Variants in DNAJC3 observed in about 807,000 individuals in gnomAD.
DNAJC3 encodes the protein dnaJ homolog subfamily C member 3.
DNAJC3 carries 38 observed loss-of-function variants against 68.6 expected under a neutral mutation model. The ratio of observed to expected loss-of-function variants is 0.55; its 90% CI spans 0.43 to 0.73. The LOEUF (loss-of-function observed/expected upper bound fraction) is 0.73, where lower values mean the gene tolerates loss of function less well. Among genes scored for constraint, DNAJC3 ranks in the 30% least tolerant of loss-of-function variants. DNAJC3 has a pLI of 0.00. For missense variants in DNAJC3, 526 were observed against 591.9 expected (o/e 0.89, Z 1.16); for synonymous variants, 203 against 204.0 (o/e 1.00, Z 0.04).
intron 1 of DNAJC3, among the ~76,000 whole-genome samples, chr13:95,683,180 A>T (rs1366759093): frequency 6.6e-6 from 1 of 152,232 alleles, no homozygotes; most frequent in Non-Finnish European, 1.5e-5. Context: ...GGTTTCACAA[A>T]GGAGCCAGCA....
At chr13:95,759,865 GT>G (rs1353912136) in intron 5 of DNAJC3, among the ~76,000 whole-genome samples, 174 bp from the exon 6 acceptor site, 4 of 152,168 alleles carry the variant, frequency 2.6e-5, no homozygotes, top group Non-Finnish European at 4.4e-5. Context: ...TGTCACATCA[GT>G]TTTGTCACAT....
chr13:95,683,509 G>A (rs543232470), intron 1 of DNAJC3, among the ~76,000 whole-genome samples: 1 of 152,358 alleles, frequency 6.6e-6, no homozygotes, highest in East Asian at 1.9e-4. Context: ...CTCTGGCCAT[G>A]TGAAGATGTG....
intron 2 of DNAJC3, among the ~76,000 whole-genome samples, chr13:95,712,010 C>A (rs960749533): frequency 6.6e-6 from 1 of 152,154 alleles, no homozygotes; most frequent in African/African-American, 2.4e-5. Flanking sequence ...TATGTTTGTA[C>A]ACACAAACAC....
rs531955490 is a variant in DNAJC3 at position 95,718,476 on chromosome 13, G to A, written c.194-4766G>A. Among the ~76,000 whole-genome samples, 95 of 152,272 alleles carry A rather than the reference G, an allele frequency of 6.2e-4. 1 individual carries two copies. Among genetic ancestry groups the A allele is most frequent in the South Asian group, 1.5e-3 (7 of 4,814 alleles). ...GAGTGCAGTGGTATGATCTCAGCTCGCTGCAACCTCCACTTTTCGGGTTCA... is the reference window on the plus strand; with the variant it reads ...GAGTGCAGTGGTATGATCTCAGCTCACTGCAACCTCCACTTTTCGGGTTCA... On this transcript the variant is annotated intron_variant, in intron 2 of 11. Transcript: ENST00000602402.
At chr13:95,702,749 A>AT (rs1415240301) in intron 1 of DNAJC3, among the ~76,000 whole-genome samples, 3 of 152,196 alleles carry the variant, frequency 2.0e-5, no homozygotes. Flanking sequence ...AGTTTATGGT[A>AT]TTTTTGTTAT....
intron 9 of DNAJC3, among the ~76,000 whole-genome samples, chr13:95,777,208 C>T (rs759793332): frequency 3.9e-5 from 6 of 152,230 alleles, no homozygotes; most frequent in African/African-American, 9.6e-5. Flanking sequence ...CCATGTATCT[C>T]GTAGTTATTG....
chr13:95,698,378 G>A (rs1481202016), intron 1 of DNAJC3, among the ~76,000 whole-genome samples: 1 of 152,190 alleles, frequency 6.6e-6, no homozygotes, highest in African/African-American at 2.4e-5. Flanking sequence ...CTGAGCTTCT[G>A]TTTAGCAGTG....
chr13:95,757,328 G>A (rs898596130), intron 4 of DNAJC3, among the ~76,000 whole-genome samples: 2 of 152,166 alleles, frequency 1.3e-5, no homozygotes, highest in African/African-American at 4.8e-5. Context: ...CTATATGTAA[G>A]AAAGTGAAAA....
chr13:95,720,931 T>C (rs1881302617), intron 2 of DNAJC3, among the ~76,000 whole-genome samples: 1 of 152,220 alleles, frequency 6.6e-6, no homozygotes, highest in Non-Finnish European at 1.5e-5. Context: ...TTTACCATTT[T>C]AACCATTTGT....
chr13:95,787,118 TGATA>T lies in DNAJC3; in HGVS notation c.1321_1324del (p.Asp441Ter). ...AGAAAAAAGCTGAGAAAAAGTTCAT[TGATA>T]TAGCAGCTGCTAAAGAAGTCCTCTC... On this transcript the variant is annotated frameshift_variant, in exon 11 of 12. Transcript: ENST00000602402. LOFTEE classifies it high-confidence loss of function. 1 of 1,613,992 alleles carries T rather than the reference TGATA, an allele frequency of 6.2e-7. No homozygotes were observed. The highest frequency in any genetic ancestry group is 2.2e-5 in the East Asian group (1 of 44,884).
intron 1 of DNAJC3, among the ~76,000 whole-genome samples, chr13:95,690,576 C>T (rs1422276790): frequency 9.9e-5 from 15 of 150,778 alleles, no homozygotes; most frequent in African/African-American, 3.7e-4. Context: ...GCAGAGGCGC[C>T]CCTCACCTCC....
chr13:95,790,692 T>TTTGTGG (rs1234532839), intron 11 of DNAJC3, among the ~76,000 whole-genome samples, 181 bp from the exon 12 acceptor site: 1 of 152,124 alleles, frequency 6.6e-6, no homozygotes, highest in Non-Finnish European at 1.5e-5. Context: ...CAAATTTCTC[T>TTTGTGG]AGTCTGTTTC....
At chr13:95,706,590 C>T (rs73550547) in intron 1 of DNAJC3, among the ~76,000 whole-genome samples, 4,561 of 152,242 alleles carry the variant, frequency 0.03, 239 homozygotes, top group African/African-American at 0.11. Context: ...TTGAGGAGGA[C>T]TGAACATCCT....
chr13:95,781,710 C>T (rs1160357218), intron 9 of DNAJC3, among the ~76,000 whole-genome samples: 1 of 151,602 alleles, frequency 6.6e-6, no homozygotes, highest in Non-Finnish European at 1.5e-5. Context: ...GGCTAATACG[C>T]AACATGGTAT....
chr13:95,708,225 T>G (rs1185754549), intron 1 of DNAJC3, among the ~76,000 whole-genome samples: 1 of 152,210 alleles, frequency 6.6e-6, no homozygotes, highest in Non-Finnish European at 1.5e-5. Context: ...AGCATAACAT[T>G]GTACTCACTG....
rs183636645 is a variant in DNAJC3, at chr13:95,718,171, T to A, written c.194-5071T>A. The stretch of plus-strand genomic sequence containing the variant: ...TTTCCACATGTAGACTTGCAAATAA[T>A]TTACATAATGAACAATATTATATAT... On this transcript the variant is annotated intron_variant, in intron 2 of 11. Coordinates refer to ENST00000602402, the MANE Select transcript of DNAJC3 (RefSeq NM_006260.5). Among the ~76,000 whole-genome samples the A allele has an allele frequency of 3.5e-3, 540 of 152,312 alleles. 4 individuals are homozygous for A. The highest frequency in any genetic ancestry group is 0.012 in the African/African-American group (514 of 41,554).
Position 95,791,067 on chromosome 13 carries a change from GATTAAAA to G in DNAJC3, c.*39_*45del, listed in dbSNP as rs764795752. Reference sequence around the variant, plus strand: ...TTCTGCTCTTCTTAATTTTTTTAAAGATTAAAAACAAAGAAATCTTGTTCCGGGACCC... The same window carrying G: ...TTCTGCTCTTCTTAATTTTTTTAAAGACAAAGAAATCTTGTTCCGGGACCC... On this transcript the variant is annotated 3_prime_UTR_variant, in exon 12 of 12. Coordinates refer to ENST00000602402, the MANE Select transcript of DNAJC3 (RefSeq NM_006260.5). The G allele has an allele frequency of 6.3e-7, 1 of 1,595,558 alleles. No individual in the cohort carries two copies. The highest frequency in any genetic ancestry group is 1.1e-5 in the South Asian group (1 of 87,284).
At chr13:95,786,658 A>G (rs1368140164) in intron 10 of DNAJC3, among the ~76,000 whole-genome samples, 1 of 152,212 alleles carries the variant, frequency 6.6e-6, no homozygotes, top group East Asian at 1.9e-4. Context: ...TGAAAGTGGC[A>G]TTCAGAGTCA....
intron 1 of DNAJC3, among the ~76,000 whole-genome samples, chr13:95,685,027 A>G (rs984047895): frequency 1.3e-5 from 2 of 152,260 alleles, no homozygotes; most frequent in Non-Finnish European, 2.9e-5. Flanking sequence ...GGAGCCCCCA[A>G]CAGAGTCCCC....
Sources: gnomAD v4.1 joint callset for allele counts (sites outside exome capture counted in the v4.1 genomes callset) on GRCh38, gnomAD v4.1.1 for gene constraint, MANE v1.5 for transcripts, NCBI Gene and HGNC (gene_info 2026-07-23, HGNC 2026-07-21) for gene names.